ELOVL5: variants seen among roughly 807,000 people sequenced by gnomAD.
The protein encoded by ELOVL5 is ELOVL fatty acid elongase 5, also known as very long chain fatty acid elongase 5.
ELOVL5 carries 8 observed loss-of-function variants against 38.6 expected under a neutral mutation model. The observed-to-expected ratio is 0.21, with a 90% confidence interval of 0.12 to 0.37. ELOVL5 has a LOEUF of 0.37. Among genes scored for constraint, ELOVL5 ranks in the 10% least tolerant of loss-of-function variants. The pLI is 1.00. For missense variants in ELOVL5, 280 were observed against 367.8 expected (o/e 0.76, Z 1.95); for synonymous variants, 127 against 133.7 (o/e 0.95, Z 0.34).
At chr6:53,270,201 G>C (rs922153477) in intron 7 of ELOVL5, among the ~76,000 whole-genome samples, 4 of 152,188 alleles carry the variant, frequency 2.6e-5, no homozygotes, top group Non-Finnish European at 5.9e-5. Context: ...CAAAAAAGCA[G>C]ATCTCCATAT....
intron 6 of ELOVL5, among the ~76,000 whole-genome samples, chr6:53,270,954 A>G (rs1426965078): frequency 1.3e-5 from 2 of 152,198 alleles, no homozygotes; most frequent in African/African-American, 4.8e-5. Flanking sequence ...AGCTATTTAA[A>G]CTACCTTCTC....
At chr6:53,308,090 G>GT (rs1767671011) in intron 1 of ELOVL5, among the ~76,000 whole-genome samples, 1 of 150,730 alleles carries the variant, frequency 6.6e-6, no homozygotes, top group Non-Finnish European at 1.5e-5. Flanking sequence ...ACAGAACTAT[G>GT]TAGTTTTAAA....
Position 53,268,147 on chromosome 6 carries a change from A to G in ELOVL5, c.*980T>C, listed in dbSNP as rs1295197446. 2.6e-5 allele frequency: 4 copies of G among 152,180 alleles called. No homozygotes were observed. The highest frequency in any genetic ancestry group is 4.4e-5 in the Non-Finnish European group (3 of 68,038). The allele number at this position is 152,180 out of a possible 1,614,324, so 9.4% of individuals were successfully genotyped here. ...TACAAGGAAATCTGTGTCAAAACAGATAACAGTGCATAAATCAATCCAAAT... is the reference window on the plus strand; with the variant it reads ...TACAAGGAAATCTGTGTCAAAACAGGTAACAGTGCATAAATCAATCCAAAT... On this transcript the variant is annotated 3_prime_UTR_variant, in exon 8 of 8. Coordinates refer to ENST00000304434, the MANE Select transcript of ELOVL5 (RefSeq NM_021814.5).
At chr6:53,269,327 C>CT (rs1171364871) in intron 7 of ELOVL5, 57 bp from the exon 8 acceptor site, 2 of 1,431,838 alleles carry the variant, frequency 1.4e-6, no homozygotes, top group Non-Finnish European at 1.9e-6. Context: ...TTATAGGGAA[C>CT]TTTACTGAGA....
rs1765796072 is a variant in ELOVL5, at chr6:53,267,932, A to T, written c.*1195T>A. 6.6e-6 allele frequency: 1 copy of T among 152,248 alleles called. No homozygotes were observed. The highest frequency in any genetic ancestry group is 2.4e-5 in the African/African-American group (1 of 41,468). 9.4% of individuals were successfully genotyped at this position (152,248 alleles called of 1,614,324 possible). ...ATGATAAGCAGTCTATTATTTTTAA[A>T]CAAGAGGTTCTAAACACATCTTTAG... On this transcript the variant is annotated 3_prime_UTR_variant, in exon 8 of 8. Transcript: ENST00000304434.
At chr6:53,342,116 T>C (rs1430966166) in intron 1 of ELOVL5, among the ~76,000 whole-genome samples, 1 of 150,958 alleles carries the variant, frequency 6.6e-6, no homozygotes, top group Non-Finnish European at 1.5e-5. Context: ...TATGCAGAAG[T>C]TCGGACAGAA....
rs1199201819 is a variant in ELOVL5 at position 53,295,708 on chromosome 6, C to A, written c.-8-1G>T. The A allele has an allele frequency of 1.3e-6, 2 of 1,561,928 alleles. No homozygotes were observed. Among genetic ancestry groups the A allele is most frequent in the Admixed American group, 2.0e-5 (1 of 49,150 alleles). On this transcript the variant is annotated splice_acceptor_variant, in intron 1 of 7. Coordinates refer to ENST00000304434, the MANE Select transcript of ELOVL5 (RefSeq NM_021814.5). LOFTEE classifies it low-confidence loss of function (5UTR_SPLICE). Reference sequence around the variant, plus strand: ...GCATCAAAATGTTCCATTTGAAAACCTATTAAGAAAAAAAAAGATACTGAT... The same window carrying A: ...GCATCAAAATGTTCCATTTGAAAACATATTAAGAAAAAAAAAGATACTGAT...
Position 53,305,390 on chromosome 6 carries a change from A to C in ELOVL5, c.-8-9683T>G, listed in dbSNP as rs1257260971. 2.3e-4 allele frequency among the ~76,000 whole-genome samples: 24 copies of C among 103,994 alleles called. 2 individuals are homozygous for C. The highest frequency in any genetic ancestry group is 7.9e-4 in the African/African-American group (17 of 21,618). The allele number at this position is 103,994 out of a possible 152,430, so 68.2% of individuals were successfully genotyped here. A position where few individuals can be genotyped will look rare whatever the true frequency, so the allele number is the denominator to read the frequency against. ...GCCTGGCGGGGGCTGACCCCCCCCC[A>C]CCTCCCTCCCGGGCGGGGTGGCTGC... On this transcript the variant is annotated intron_variant, in intron 1 of 7. Coordinates refer to ENST00000304434, the MANE Select transcript of ELOVL5 (RefSeq NM_021814.5).
At chr6:53,281,386 G>A (rs57630509) in intron 3 of ELOVL5, among the ~76,000 whole-genome samples, 4 of 152,130 alleles carry the variant, frequency 2.6e-5, no homozygotes, top group East Asian at 1.9e-4. Flanking sequence ...GTACAAGCTC[G>A]TATTTTTAAT....
intron 1 of ELOVL5, among the ~76,000 whole-genome samples, chr6:53,315,342 C>T (rs9349661): frequency 0.34 from 51,924 of 152,022 alleles, 9,486 homozygotes; most frequent in African/African-American, 0.48. Flanking sequence ...CTAATAGCAT[C>T]ACTTTGGGGG....
intron 2 of ELOVL5, among the ~76,000 whole-genome samples, chr6:53,293,333 T>C (rs964521321): frequency 1.3e-5 from 2 of 152,180 alleles, no homozygotes; most frequent in Non-Finnish European, 2.9e-5. Flanking sequence ...ATTTATTTAT[T>C]CTGAGACGGA....
chr6:53,275,583 C>G, intron 4 of ELOVL5, among the ~76,000 whole-genome samples: 1 of 152,330 alleles, frequency 6.6e-6, no homozygotes, highest in East Asian at 1.9e-4. Flanking sequence ...CCTATTCCCT[C>G]TGGAAGCAGC....
Position 53,269,115 on chromosome 6 carries a change from A to G in ELOVL5, c.*12T>C. 1 of 1,611,758 alleles carries G rather than the reference A, an allele frequency of 6.2e-7. No individual in the cohort carries two copies. The highest frequency in any genetic ancestry group is 1.1e-5 in the South Asian group (1 of 90,730). On this transcript the variant is annotated 3_prime_UTR_variant, in exon 8 of 8. Transcript: ENST00000304434. ...CAGATGACGTGGTTTGGAGGGTTTCAATTCTTTGACTTCAATCCTTCCGCA... is the reference window on the plus strand; with the variant it reads ...CAGATGACGTGGTTTGGAGGGTTTCGATTCTTTGACTTCAATCCTTCCGCA...
At chr6:53,290,223 C>T (rs1301030765) in intron 3 of ELOVL5, 1 of 152,186 alleles carries the variant, frequency 6.6e-6, no homozygotes, top group Non-Finnish European at 1.5e-5. Flanking sequence ...GAAATTATAG[C>T]TATATTTCTA....
chr6:53,343,377 T>G (rs1054875367), intron 1 of ELOVL5, among the ~76,000 whole-genome samples: 3 of 152,102 alleles, frequency 2.0e-5, no homozygotes, highest in Admixed American at 2.0e-4. Flanking sequence ...CACATCCAGC[T>G]AATTTTTGTA....
At chr6:53,336,435 AG>A (rs1186842899) in intron 1 of ELOVL5, among the ~76,000 whole-genome samples, 1 of 152,370 alleles carries the variant, frequency 6.6e-6, no homozygotes, top group Non-Finnish European at 1.5e-5. Flanking sequence ...TGAAGCAGGC[AG>A]ACTGCTTGAG....
chr6:53,309,383 G>A (rs914949471), intron 1 of ELOVL5, among the ~76,000 whole-genome samples: 1 of 152,144 alleles, frequency 6.6e-6, no homozygotes, highest in Non-Finnish European at 1.5e-5. Flanking sequence ...TGGGTGATAG[G>A]AAGAACCTGA....
intron 5 of ELOVL5, among the ~76,000 whole-genome samples, chr6:53,274,788 C>T (rs948859587): frequency 2.0e-5 from 3 of 152,318 alleles, no homozygotes; most frequent in African/African-American, 7.2e-5. Flanking sequence ...ACCTTCCACA[C>T]CATACAGAAG....
At chr6:53,328,365 C>A (rs184363314) in intron 1 of ELOVL5, among the ~76,000 whole-genome samples, 1 of 151,934 alleles carries the variant, frequency 6.6e-6, no homozygotes. Context: ...TGTACTGGTA[C>A]CTGATTCAGG....
Sources: allele counts gnomAD v4.1 joint callset (sites outside exome capture counted in the v4.1 genomes callset), GRCh38; gene constraint gnomAD v4.1.1; transcripts MANE v1.5; gene names NCBI Gene and HGNC (gene_info 2026-07-23, HGNC 2026-07-21).